The following GIMAP8 variants were observed in gnomAD, a reference collection of about 807,000 sequenced individuals.
GIMAP8 encodes the protein GTPase IMAP family member 8.
GIMAP8 carries 29 observed loss-of-function variants against 35.6 expected under a neutral mutation model. That is an observed-to-expected ratio of 0.81 (90% CI 0.61 to 1.11). The LOEUF is 1.11. Among genes scored for constraint, GIMAP8 ranks in the 50% most tolerant of loss-of-function variants. The probability of loss-of-function intolerance (pLI) is 0.00; values close to 1 mark genes in which losing one functional copy is unlikely to be tolerated. For synonymous variants in GIMAP8, 335 were observed against 308.7 expected, an observed-to-expected ratio of 1.09 and a Z score of -0.89; for missense variants, 811 against 805.0, an observed-to-expected ratio of 1.01 and a Z score of -0.09.
chr7:150,477,544 C>G lies in GIMAP8; in HGVS notation c.1762C>G (p.Arg588Gly). 2 of 1,614,116 alleles carry G rather than the reference C, an allele frequency of 1.2e-6. No homozygotes were observed. The highest frequency in any genetic ancestry group is 1.7e-6 in the Non-Finnish European group (2 of 1,180,024). Residue 588 changes from arginine (R) to glycine (G), a missense_variant, in exon 5 of 5, where the codon CGG becomes GGG. Arg to Gly is a moderately radical substitution (Grantham distance 125). Coordinates refer to ENST00000307271, the MANE Select transcript of GIMAP8 (RefSeq NM_175571.4). ...FMKNSDNKAL[R>G]RIFKKCGRRV... ...GAAGAACTCAGATAACAAAGCCCTTCGGCGCATTTTTAAAAAGTGTGGGCG... is the reference window on the plus strand; with the variant it reads ...GAAGAACTCAGATAACAAAGCCCTTGGGCGCATTTTTAAAAAGTGTGGGCG...
At position 150,451,921 on chromosome 7, in the gene GIMAP8, G is replaced by A. The variant is rs529082570; in HGVS notation, c.-29+746G>A. 2.0e-5 allele frequency among the ~76,000 whole-genome samples: 3 copies of A among 152,262 alleles called. No homozygotes were observed. The highest frequency in any genetic ancestry group is 4.8e-5 in the African/African-American group (2 of 41,536). On this transcript the variant is annotated intron_variant, in intron 1 of 4. Coordinates refer to ENST00000307271, the MANE Select transcript of GIMAP8 (RefSeq NM_175571.4). This position sits in a 1 kb window ranked among gnomAD's most constrained non-coding sequence, Gnocchi z 4.1. ...GTTGCCCTGCTGGGCTGGGTCTAAG[G>A]TCTTCCCCACGCTGGGCTCTGGAGG...
intron 1 of GIMAP8, among the ~76,000 whole-genome samples, chr7:150,453,731 G>T (rs569904512): frequency 3.9e-5 from 6 of 152,318 alleles, no homozygotes; most frequent in African/African-American, 1.4e-4. Context: ...CACCTGTAGT[G>T]GTGGCAGACT....
chr7:150,459,392 C>CT (rs1227399347), intron 1 of GIMAP8, among the ~76,000 whole-genome samples: 1 of 152,128 alleles, frequency 6.6e-6, no homozygotes, highest in Non-Finnish European at 1.5e-5. Flanking sequence ...GGAAGCATTT[C>CT]TTTTTTTGGA....
At chr7:150,457,501 G>C (rs1465735284) in intron 1 of GIMAP8, among the ~76,000 whole-genome samples, 1 of 152,216 alleles carries the variant, frequency 6.6e-6, no homozygotes, top group Non-Finnish European at 1.5e-5. Context: ...GTTTTTGTGT[G>C]TATGACAAAA....
At chr7:150,466,582 G>C (rs1237563227) in intron 1 of GIMAP8, 89 bp from the exon 2 acceptor site, 3 of 1,162,244 alleles carry the variant, frequency 2.6e-6, no homozygotes, top group Non-Finnish European at 3.6e-6. Flanking sequence ...GCGGCAATTT[G>C]AGTCAAAAAG....
rs775099199 is a variant in GIMAP8 at position 150,477,165 on chromosome 7, C to G, written c.1383C>G (p.Ser461Arg). 2.5e-6 allele frequency: 4 copies of G among 1,614,074 alleles called. No individual in the cohort carries two copies. Among genetic ancestry groups the G allele is most frequent in the South Asian group, 2.2e-5 (2 of 91,078 alleles). ...CGACCGGGAACTCTATCCTGGGGAG[C>G]CTCGTCTTCACCTCTCGGCTCCGGG... ...KSATGNSILG[S>R]LVFTSRLRAQ... Residue 461 changes from serine (S) to arginine (R), a missense_variant, in exon 5 of 5, where the codon AGC becomes AGG. Physicochemically the swap from Ser to Arg is moderately radical, Grantham distance 110 (BLOSUM62 -1). Transcript: ENST00000307271.
Position 150,451,349 on chromosome 7 carries a change from G to A in GIMAP8, c.-29+174G>A, listed in dbSNP as rs1411603849. Among the ~76,000 whole-genome samples, 1 of 152,202 alleles carries A rather than the reference G, an allele frequency of 6.6e-6. No individual in the cohort carries two copies. The highest frequency in any genetic ancestry group is 2.4e-5 in the African/African-American group (1 of 41,458). On this transcript the variant is annotated intron_variant, in intron 1 of 4. Transcript: ENST00000307271. This position sits in a 1 kb window ranked among gnomAD's most constrained non-coding sequence, Gnocchi z 4.1. ...GGATGGGCTTGGCACCGGGAAGGCA[G>A]CCTGCTCAGCCATGGGAGAGGAGGC...
intron 1 of GIMAP8, among the ~76,000 whole-genome samples, chr7:150,456,623 C>T (rs907561274): frequency 6.6e-6 from 1 of 152,210 alleles, no homozygotes; most frequent in African/African-American, 2.4e-5. Context: ...TGTAAAGTAA[C>T]ACAGCCACAG....
rs1056977233 is a variant in GIMAP8, at chr7:150,451,449, G to T, written c.-29+274G>T. On this transcript the variant is annotated intron_variant, in intron 1 of 4. Coordinates refer to ENST00000307271, the MANE Select transcript of GIMAP8 (RefSeq NM_175571.4). This position sits in a 1 kb window ranked among gnomAD's most constrained non-coding sequence, Gnocchi z 4.1. ...GGAAGCTTTCCTCCTGGTCCAAAGCGTGTCTCCCCAGCCTGCTGGGGAGTA... is the reference window on the plus strand; with the variant it reads ...GGAAGCTTTCCTCCTGGTCCAAAGCTTGTCTCCCCAGCCTGCTGGGGAGTA... Among the ~76,000 whole-genome samples, 2 of 152,158 alleles carry T rather than the reference G, an allele frequency of 1.3e-5. No individual in the cohort carries two copies.
chr7:150,453,890 G>T (rs996035891), intron 1 of GIMAP8, among the ~76,000 whole-genome samples: 1 of 151,522 alleles, frequency 6.6e-6, no homozygotes, highest in Non-Finnish European at 1.5e-5. Flanking sequence ...GCATAGAGGG[G>T]TGGACAGCTC....
At chr7:150,452,214 G>C (rs1286352756) in intron 1 of GIMAP8, among the ~76,000 whole-genome samples, 1 of 152,188 alleles carries the variant, frequency 6.6e-6, no homozygotes, top group Non-Finnish European at 1.5e-5. Flanking sequence ...GTGAGGGTGA[G>C]TTTGGGTACC....
At chr7:150,457,074 G>C (rs1801745061) in intron 1 of GIMAP8, among the ~76,000 whole-genome samples, 1 of 152,208 alleles carries the variant, frequency 6.6e-6, no homozygotes, top group African/African-American at 2.4e-5. Context: ...TGAGAGCCTT[G>C]AACAGAGTTT....
rs777656666 is a variant in GIMAP8 at position 150,477,221 on chromosome 7, G to T, written c.1439G>T (p.Gly480Val). The T allele has an allele frequency of 6.2e-7, 1 of 1,614,144 alleles. No individual in the cohort carries two copies. The highest frequency in any genetic ancestry group is 2.2e-5 in the East Asian group (1 of 44,868). The stretch of plus-strand genomic sequence containing the variant: ...CCAGTCACCAAGACCAGCCAGAGTG[G>T]CAGGAGGACATGGGACGGACAGGAG... The part of the protein sequence containing the change: ...AQPVTKTSQS[G>V]RRTWDGQEVV... The change falls in exon 5 of 5, where the codon GGC becomes GTC. Residue 480 changes from glycine to valine, a missense_variant. By Grantham distance (109) the Gly-to-Val change is moderately radical. Coordinates refer to ENST00000307271, the MANE Select transcript of GIMAP8 (RefSeq NM_175571.4).
chr7:150,455,456 T>A (rs551192530), intron 1 of GIMAP8, among the ~76,000 whole-genome samples: 1 of 152,302 alleles, frequency 6.6e-6, no homozygotes, highest in East Asian at 1.9e-4. Flanking sequence ...AATGAAGATG[T>A]TCTGGTTCAG....
intron 4 of GIMAP8, among the ~76,000 whole-genome samples, chr7:150,475,222 T>C (rs970442341): frequency 6.6e-6 from 1 of 152,234 alleles, no homozygotes; most frequent in African/African-American, 2.4e-5. Flanking sequence ...TTCATTCTTT[T>C]TTATGGCTGC....
chr7:150,464,436 C>T (rs1188705212), intron 1 of GIMAP8, among the ~76,000 whole-genome samples: 1 of 152,194 alleles, frequency 6.6e-6, no homozygotes, highest in African/African-American at 2.4e-5. Flanking sequence ...AATCCTAACA[C>T]TTTGTGAGGC....
In GIMAP8 at chr7:150,477,759, T is replaced by C. The variant is rs1293382695; in HGVS notation, c.1977T>C (p.Asn659=). The change falls in exon 5 of 5, where the codon AAT becomes AAC. Residue 659 remains asparagine, a synonymous_variant. Transcript: ENST00000307271. ...EMSQAEKLLK[N]LIGILQ is the part of the protein sequence containing the mutation. Reference sequence around the variant, plus strand: ...CCCAAGCCGAAAAACTCCTTAAAAATTTAATAGGTATTTTACAATAGGTAG... The same window carrying C: ...CCCAAGCCGAAAAACTCCTTAAAAACTTAATAGGTATTTTACAATAGGTAG... 2.5e-6 allele frequency: 4 copies of C among 1,612,954 alleles called. No individual in the cohort carries two copies. Among genetic ancestry groups the C allele is most frequent in the Middle Eastern group, 1.6e-4 (1 of 6,070 alleles).
intron 1 of GIMAP8, among the ~76,000 whole-genome samples, chr7:150,453,873 C>T (rs1801672635): frequency 6.6e-6 from 1 of 150,736 alleles, no homozygotes; most frequent in Admixed American, 6.6e-5. Context: ...GCGGGGGTGC[C>T]CGTGGGGCAT....
At position 150,477,724 on chromosome 7, in the gene GIMAP8, C is replaced by G; in HGVS notation, c.1942C>G (p.Gln648Glu). The G allele has an allele frequency of 6.2e-7, 1 of 1,613,960 alleles. No individual in the cohort carries two copies. The highest frequency in any genetic ancestry group is 1.3e-5 in the African/African-American group (1 of 74,966). ...CGTCAGCAAACTAATTAAAAATGTC[C>G]AGGAAATGTCCCAAGCCGAAAAACT... ...ENVSKLIKNV[Q>E]EMSQAEKLLK... The change falls in exon 5 of 5, where the codon CAG (glutamine) becomes GAG (glutamate). Residue 648 changes from glutamine to glutamate, a missense_variant. By Grantham distance (29) the Gln-to-Glu change is conservative. Coordinates refer to ENST00000307271, the MANE Select transcript of GIMAP8 (RefSeq NM_175571.4).
Sources: allele counts gnomAD v4.1 joint callset (sites outside exome capture counted in the v4.1 genomes callset), GRCh38; gene constraint gnomAD v4.1.1; non-coding constraint Gnocchi (gnomAD v3.1); transcripts MANE v1.5; gene names NCBI Gene and HGNC (gene_info 2026-07-23, HGNC 2026-07-21).